The following SNTG1 variants were observed in gnomAD, a reference collection of about 807,000 sequenced individuals.
SNTG1 encodes the protein gamma-1-syntrophin.
SNTG1 carries 39 observed loss-of-function variants against 74.7 expected under a neutral mutation model. That is an observed-to-expected ratio of 0.52 (90% confidence interval 0.40 to 0.68). The LOEUF (loss-of-function observed/expected upper bound fraction) is 0.68, where lower values mean the gene tolerates loss of function less well. Among genes scored for constraint, SNTG1 ranks in the 30% least tolerant of loss-of-function variants. The probability of loss-of-function intolerance (pLI) is 0.00; values close to 1 mark genes in which losing one functional copy is unlikely to be tolerated. For missense variants in SNTG1, 685 were observed against 609.5 expected, an observed-to-expected ratio of 1.12 and a Z score of -1.30; for synonymous variants, 254 against 217.1, an observed-to-expected ratio of 1.17 and a Z score of -1.49.
intron 13 of SNTG1, among the ~76,000 whole-genome samples, chr8:50,592,702 T>C (rs1051440360): frequency 6.6e-6 from 1 of 152,218 alleles, no homozygotes; most frequent in Non-Finnish European, 1.5e-5. Context: ...CCTGTTAATA[T>C]TATTCATTAT....
chr8:49,934,131 A>G (rs1327684384), intron 1 of SNTG1, among the ~76,000 whole-genome samples: 1 of 152,122 alleles, frequency 6.6e-6, no homozygotes, highest in Non-Finnish European at 1.5e-5. Flanking sequence ...GCTATTCAAA[A>G]CATAAACCTA....
intron 2 of SNTG1, among the ~76,000 whole-genome samples, chr8:50,393,511 G>A (rs1458447319): frequency 1.3e-5 from 2 of 151,936 alleles, no homozygotes; most frequent in East Asian, 1.9e-4. Context: ...TCAACTTTCC[G>A]TGACATATCT....
At chr8:50,480,137 A>G (rs1247727994) in intron 8 of SNTG1, among the ~76,000 whole-genome samples, 1 of 152,132 alleles carries the variant, frequency 6.6e-6, no homozygotes, top group Non-Finnish European at 1.5e-5. Context: ...CAGTTTTAAC[A>G]TCTCAAGGGT....
At chr8:50,588,914 G>C (rs111312838) in intron 12 of SNTG1, among the ~76,000 whole-genome samples, 6,381 of 151,936 alleles carry the variant, frequency 0.042, 238 homozygotes, top group African/African-American at 0.093. Context: ...TTCATATTTT[G>C]CAAACATAGT....
At chr8:50,690,126 G>A (rs2095371198) in intron 15 of SNTG1, among the ~76,000 whole-genome samples, 1 of 152,042 alleles carries the variant, frequency 6.6e-6, no homozygotes, top group Admixed American at 6.6e-5. Context: ...GCGTCTATTT[G>A]ATTCTTCTCT....
rs143078920 is a variant in SNTG1, at chr8:49,936,568, C to T, written c.-103+24337C>T. 5.4e-3 allele frequency among the ~76,000 whole-genome samples: 821 copies of T among 152,256 alleles called. 11 individuals carry two copies. The highest frequency in any genetic ancestry group is 0.019 in the African/African-American group (778 of 41,552). On this transcript the variant is annotated intron_variant, in intron 1 of 18. Transcript: ENST00000642720. The stretch of plus-strand genomic sequence containing the variant: ...TTCCTCCAGAAAATTCACTTTGGCA[C>T]TATTTATGCTTTTTTACAATATGCT...
chr8:50,239,284 A>T (rs1018811015), intron 2 of SNTG1, among the ~76,000 whole-genome samples: 3 of 152,188 alleles, frequency 2.0e-5, no homozygotes, highest in Non-Finnish European at 4.4e-5. Context: ...TCATTCGCAC[A>T]CTGCTATAAA....
intron 1 of SNTG1, among the ~76,000 whole-genome samples, chr8:50,037,672 G>A (rs977628586): frequency 6.6e-6 from 1 of 152,160 alleles, no homozygotes; most frequent in Non-Finnish European, 1.5e-5. Flanking sequence ...CCCTTTAGTA[G>A]CCAGTTGTCC....
At chr8:49,970,576 A>T (rs906271133) in intron 1 of SNTG1, among the ~76,000 whole-genome samples, 4 of 152,316 alleles carry the variant, frequency 2.6e-5, no homozygotes, top group Admixed American at 2.6e-4. Flanking sequence ...CCTCCCTTGG[A>T]ATCCAAATTA....
chr8:50,216,935 G>A (rs1033672341), intron 2 of SNTG1, among the ~76,000 whole-genome samples: 1 of 151,858 alleles, frequency 6.6e-6, no homozygotes, highest in Non-Finnish European at 1.5e-5. Context: ...ATAGTATCCT[G>A]TTAATATTTA....
intron 15 of SNTG1, among the ~76,000 whole-genome samples, chr8:50,658,956 T>C (rs544471885): frequency 6.6e-6 from 1 of 152,028 alleles, no homozygotes; most frequent in South Asian, 2.1e-4. Context: ...AAGAAGAAAA[T>C]TCAGTTGAAA....
At chr8:50,496,738 TG>T (rs2093907977) in intron 8 of SNTG1, among the ~76,000 whole-genome samples, 1 of 152,140 alleles carries the variant, frequency 6.6e-6, no homozygotes, top group South Asian at 2.1e-4. Context: ...CCCTCTTGCT[TG>T]GGTACTCATC....
chr8:50,112,525 T>C lies in SNTG1; in HGVS notation c.-102-60036T>C, dbSNP rs1477592133. Among the ~76,000 whole-genome samples, 4 of 135,280 alleles carry C rather than the reference T, an allele frequency of 3.0e-5. No individual in the cohort carries two copies. In the East Asian group the frequency reaches 8.5e-4, roughly 29 times the overall value. 88.7% of individuals were successfully genotyped at this position (135,280 alleles called of 152,430 possible). On this transcript the variant is annotated intron_variant, in intron 1 of 18. Coordinates refer to ENST00000642720, the MANE Select transcript of SNTG1 (RefSeq NM_018967.5). ...AGTATTTAGTTCTTTCTTTTTTTTT[T>C]TTTTTTTTTTTTTTTGAGACAGATT... is the stretch of plus-strand genomic sequence containing the variant.
chr8:50,780,007 A>G (rs1490476540), intron 18 of SNTG1, among the ~76,000 whole-genome samples: 1 of 152,166 alleles, frequency 6.6e-6, no homozygotes, highest in Non-Finnish European at 1.5e-5. Flanking sequence ...GATTACATTT[A>G]TTGATTTGTG....
chr8:50,400,263 T>C (rs1285357624), intron 3 of SNTG1, among the ~76,000 whole-genome samples: 1 of 152,206 alleles, frequency 6.6e-6, no homozygotes, highest in Non-Finnish European at 1.5e-5. Context: ...AATATGATAT[T>C]TGTCTTTCTA....
chr8:50,462,893 T>C (rs2093578947), intron 8 of SNTG1, among the ~76,000 whole-genome samples: 1 of 134,818 alleles, frequency 7.4e-6, no homozygotes, highest in Admixed American at 8.6e-5. Context: ...CTTGGCTCAC[T>C]GTAACTGCCG....
At chr8:50,476,093 C>A (rs2093695292) in intron 8 of SNTG1, among the ~76,000 whole-genome samples, 1 of 152,144 alleles carries the variant, frequency 6.6e-6, no homozygotes, top group African/African-American at 2.4e-5. Flanking sequence ...TAGCCATCTT[C>A]ATTATCAAAT....
At chr8:50,202,457 T>A (rs2084023667) in intron 2 of SNTG1, among the ~76,000 whole-genome samples, 1 of 152,140 alleles carries the variant, frequency 6.6e-6, no homozygotes, top group African/African-American at 2.4e-5. Context: ...CAGTATGTAG[T>A]CTTTTTCCAC....
Position 50,390,343 on chromosome 8 carries a change from C to T in SNTG1, c.-27-3869C>T, listed in dbSNP as rs537365055. On this transcript the variant is annotated intron_variant, in intron 2 of 18. Transcript: ENST00000642720. ...CAACACCATTTATTAAATAGGGAAT[C>T]GTTTCCCCATTTTTTGTCAAAGATC... Among the ~76,000 whole-genome samples the T allele has an allele frequency of 2.0e-4, 31 of 151,920 alleles. No individual in the cohort carries two copies. In the South Asian group the frequency reaches 5.6e-3, roughly 27 times the overall value.
Sources: gnomAD v4.1 joint callset for allele counts (sites outside exome capture counted in the v4.1 genomes callset) on GRCh38, gnomAD v4.1.1 for gene constraint, MANE v1.5 for transcripts, NCBI Gene and HGNC (gene_info 2026-07-23, HGNC 2026-07-21) for gene names.